Variants in ERC2 observed in about 807,000 individuals in gnomAD.
ERC2 encodes ELKS/RAB6-interacting/CAST family member 2.
In ERC2, 42 loss-of-function variants were observed where a neutral mutation model predicts 114.8. That is an observed-to-expected ratio of 0.37 (90% confidence interval 0.29 to 0.47). The LOEUF is 0.47. Ranked by LOEUF, ERC2 falls within the 20% of genes least tolerant of loss-of-function variation. The pLI is 0.99. For missense variants in ERC2, 939 were observed against 1,150.7 expected (o/e 0.82, Z 2.66); for synonymous variants, 454 against 425.5 (o/e 1.07, Z -0.82).
chr3:55,841,405 T>G (rs900268062), intron 14 of ERC2, among the ~76,000 whole-genome samples: 140 of 152,268 alleles, frequency 9.2e-4, no homozygotes, highest in African/African-American at 3.1e-3. Flanking sequence ...TGACATGCCT[T>G]TGCTTCTCGT....
chr3:55,803,435 A>G (rs1187803151), intron 14 of ERC2, among the ~76,000 whole-genome samples: 1 of 152,152 alleles, frequency 6.6e-6, no homozygotes, highest in Non-Finnish European at 1.5e-5. Context: ...AGACTTCTAA[A>G]ACATAAAAAT....
intron 3 of ERC2, among the ~76,000 whole-genome samples, chr3:56,241,109 AG>A (rs1371837642): frequency 6.6e-6 from 1 of 152,174 alleles, no homozygotes; most frequent in African/African-American, 2.4e-5. Context: ...TACTTCACTT[AG>A]GATAATGGCA....
chr3:56,377,859 A>C (rs1211606520), intron 2 of ERC2, among the ~76,000 whole-genome samples: 1 of 143,136 alleles, frequency 7.0e-6, no homozygotes, highest in East Asian at 1.9e-4. Context: ...CTCCAAAAAA[A>C]AAAACAAAAA....
At chr3:56,349,582 T>C (rs2316896) in intron 2 of ERC2, among the ~76,000 whole-genome samples, 12,533 of 151,836 alleles carry the variant, frequency 0.083, 663 homozygotes, top group Non-Finnish European at 0.12. Flanking sequence ...TACTTGAGGG[T>C]TGAGGGTGGG....
intron 6 of ERC2, among the ~76,000 whole-genome samples, chr3:56,087,804 G>A (rs114286571): frequency 0.016 from 2,448 of 152,100 alleles, 59 homozygotes; most frequent in African/African-American, 0.053. Flanking sequence ...TTTCCTAATC[G>A]TAGACTTGAG....
chr3:55,947,771 G>A (rs545452732), intron 13 of ERC2, among the ~76,000 whole-genome samples: 23 of 152,160 alleles, frequency 1.5e-4, no homozygotes, highest in Admixed American at 2.6e-4. Flanking sequence ...AAGCCACTGC[G>A]TTTTGGGTGA....
At chr3:56,343,429 G>A (rs1460186680) in intron 2 of ERC2, among the ~76,000 whole-genome samples, 1 of 151,678 alleles carries the variant, frequency 6.6e-6, no homozygotes, top group African/African-American at 2.4e-5. Flanking sequence ...GCTTTCGGAG[G>A]CAAAAGTAGG....
intron 17 of ERC2, among the ~76,000 whole-genome samples, chr3:55,620,745 C>T (rs577036051): frequency 2.0e-5 from 3 of 152,116 alleles, no homozygotes; most frequent in East Asian, 1.9e-4. Context: ...GAAAGCACTC[C>T]GATTCACTTA....
intron 2 of ERC2, among the ~76,000 whole-genome samples, chr3:56,377,090 T>C (rs1023196295): frequency 1.3e-5 from 2 of 152,170 alleles, no homozygotes; most frequent in Non-Finnish European, 2.9e-5. Context: ...GTTTCTCCGA[T>C]TAGAGGCCCA....
At chr3:56,303,748 C>A (rs545835475) in intron 2 of ERC2, among the ~76,000 whole-genome samples, 199 of 152,290 alleles carry the variant, frequency 1.3e-3, no homozygotes, top group Non-Finnish European at 2.3e-3. Flanking sequence ...TGAGATTCTT[C>A]TAGCAAGCCC....
At chr3:55,981,897 G>A (rs1458063) in intron 12 of ERC2, among the ~76,000 whole-genome samples, 108,210 of 152,022 alleles carry the variant, frequency 0.71, 40,058 homozygotes, top group Non-Finnish European at 0.81. Flanking sequence ...TTGCTCCTTT[G>A]TTCAACAGCA....
intron 3 of ERC2, among the ~76,000 whole-genome samples, chr3:56,279,245 T>C (rs1441527504): frequency 6.6e-6 from 1 of 152,232 alleles, no homozygotes; most frequent in Non-Finnish European, 1.5e-5. Flanking sequence ...TTACTAGGGT[T>C]CATGGAAGCA....
At chr3:56,168,030 G>GA (rs1037231125) in intron 4 of ERC2, among the ~76,000 whole-genome samples, 1 of 152,140 alleles carries the variant, frequency 6.6e-6, no homozygotes, top group East Asian at 1.9e-4. Context: ...AATGTTGAAA[G>GA]AAAAAACGTT....
At chr3:55,864,183 A>G (rs2062180404) in intron 14 of ERC2, among the ~76,000 whole-genome samples, 1 of 143,764 alleles carries the variant, frequency 7.0e-6, no homozygotes, top group Non-Finnish European at 1.5e-5. Flanking sequence ...ATATATATAC[A>G]CATATATATA....
rs533856046 is a variant in ERC2, at chr3:56,351,697, C to A, written c.658-55262G>T. ...GTTTGTTGGAGGAGGTGGCAGAGTG[C>A]CTAGAGAACTAGTGCACAGATGTAG... On this transcript the variant is annotated intron_variant, in intron 2 of 17. Transcript: ENST00000288221. Among the ~76,000 whole-genome samples, 14 of 152,200 alleles carry A rather than the reference C, an allele frequency of 9.2e-5. No homozygotes were observed. The South Asian group carries it at 2.9e-3, about 32-fold the overall frequency.
chr3:55,717,555 A>G (rs1161938422), intron 15 of ERC2, among the ~76,000 whole-genome samples: 1 of 152,174 alleles, frequency 6.6e-6, no homozygotes, highest in Non-Finnish European at 1.5e-5. Context: ...GCAGGCACAT[A>G]TACTAACTTT....
At chr3:55,621,871 T>C (rs2059343577) in intron 17 of ERC2, among the ~76,000 whole-genome samples, 1 of 152,058 alleles carries the variant, frequency 6.6e-6, no homozygotes, top group African/African-American at 2.4e-5. Context: ...AGGTGAGTGT[T>C]CCAGAGCATC....
At chr3:55,742,070 C>CAA (rs79529515) in intron 14 of ERC2, among the ~76,000 whole-genome samples, 16 of 147,574 alleles carry the variant, frequency 1.1e-4, no homozygotes, top group Admixed American at 6.7e-4. Context: ...AATAAAACAC[C>CAA]AAAAAAAATG....
chr3:55,705,467 GA>G (rs1342237348), intron 15 of ERC2, among the ~76,000 whole-genome samples: 2 of 152,142 alleles, frequency 1.3e-5, no homozygotes, highest in Non-Finnish European at 2.9e-5. Flanking sequence ...TATGTGAGAT[GA>G]AAATTCACCA....
Sources: gnomAD v4.1 joint callset for allele counts (sites outside exome capture counted in the v4.1 genomes callset) on GRCh38, gnomAD v4.1.1 for gene constraint, MANE v1.5 for transcripts, NCBI Gene and HGNC (gene_info 2026-07-23, HGNC 2026-07-21) for gene names.